The following CARMIL1 variants were observed in gnomAD, a reference collection of about 807,000 sequenced individuals.
CARMIL1 encodes F-actin-uncapping protein LRRC16A.
CARMIL1 carries 90 observed loss-of-function variants against 177.1 expected under a neutral mutation model. That is an observed-to-expected ratio of 0.51 (90% CI 0.43 to 0.61). CARMIL1 has a LOEUF of 0.61. Ranked by LOEUF, CARMIL1 falls within the 20% of genes least tolerant of loss-of-function variation. The probability of loss-of-function intolerance (pLI) is 0.00; values close to 1 mark genes in which losing one functional copy is unlikely to be tolerated. For missense variants in CARMIL1, 1,380 were observed against 1,667.0 expected, an observed-to-expected ratio of 0.83 and a Z score of 3.00; for synonymous variants, 577 against 606.2, an observed-to-expected ratio of 0.95 and a Z score of 0.71.
intron 24 of CARMIL1, among the ~76,000 whole-genome samples, chr6:25,531,032 A>G (rs1807717767): frequency 6.6e-6 from 1 of 152,232 alleles, no homozygotes; most frequent in Admixed American, 6.5e-5. Flanking sequence ...TTAGAAGTTT[A>G]AGAGGGAGAA....
intron 2 of CARMIL1, among the ~76,000 whole-genome samples, chr6:25,402,565 G>A (rs16890562): frequency 0.04 from 6,027 of 152,246 alleles, 441 homozygotes; most frequent in East Asian, 0.28. Context: ...AAAGTGTAAT[G>A]TCTGATTCAT....
intron 33 of CARMIL1, among the ~76,000 whole-genome samples, chr6:25,603,121 G>A (rs1305122059): frequency 6.6e-6 from 1 of 152,186 alleles, no homozygotes; most frequent in Non-Finnish European, 1.5e-5. Context: ...GGGGTGCCCC[G>A]GGTACAGAAT....
chr6:25,578,277 G>C (rs1234610631), intron 29 of CARMIL1, among the ~76,000 whole-genome samples: 1 of 152,166 alleles, frequency 6.6e-6, no homozygotes, highest in African/African-American at 2.4e-5. Context: ...TACAAAAAGA[G>C]AAGAGAGCTA....
At chr6:25,499,598 G>T (rs1469271993) in intron 16 of CARMIL1, among the ~76,000 whole-genome samples, 1 of 152,112 alleles carries the variant, frequency 6.6e-6, no homozygotes, top group Non-Finnish European at 1.5e-5. Context: ...AGTTGGACAG[G>T]CAGGATCCTG....
chr6:25,312,461 T>C (rs531057536), intron 2 of CARMIL1, among the ~76,000 whole-genome samples: 2 of 152,128 alleles, frequency 1.3e-5, no homozygotes, highest in African/African-American at 4.8e-5. Flanking sequence ...AAACATAAGC[T>C]TGTAAAAAGG....
At chr6:25,462,629 C>T (rs889071121) in intron 8 of CARMIL1, among the ~76,000 whole-genome samples, 19 of 152,188 alleles carry the variant, frequency 1.2e-4, no homozygotes, top group African/African-American at 4.3e-4. Context: ...TCTTAAAATA[C>T]TCTTTCTCCC....
At chr6:25,308,353 C>T (rs543278359) in intron 2 of CARMIL1, among the ~76,000 whole-genome samples, 14 of 150,788 alleles carry the variant, frequency 9.3e-5, no homozygotes, top group East Asian at 1.9e-4. Flanking sequence ...TGTGAGGTTC[C>T]GTGAGAAGGA....
intron 2 of CARMIL1, among the ~76,000 whole-genome samples, chr6:25,288,268 T>G (rs1238504450): frequency 1.3e-5 from 2 of 152,144 alleles, no homozygotes; most frequent in African/African-American, 4.8e-5. Context: ...AAGGTACAGC[T>G]GGGGTAAGGC....
chr6:25,390,070 T>C (rs1792595442), intron 2 of CARMIL1, among the ~76,000 whole-genome samples: 1 of 152,048 alleles, frequency 6.6e-6, no homozygotes, highest in African/African-American at 2.4e-5. Flanking sequence ...ACCATGAACT[T>C]CTTCCTGAAA....
intron 31 of CARMIL1, among the ~76,000 whole-genome samples, chr6:25,591,294 G>C (rs1268620199): frequency 2.0e-5 from 3 of 152,228 alleles, no homozygotes; most frequent in Admixed American, 2.0e-4. Flanking sequence ...ACGATCACCA[G>C]CTTATTTTCT....
chr6:25,470,117 A>G (rs1374147496), intron 9 of CARMIL1, among the ~76,000 whole-genome samples: 2 of 152,062 alleles, frequency 1.3e-5, no homozygotes, highest in African/African-American at 2.4e-5. Context: ...ATTACATGAG[A>G]CATGTTTATT....
chr6:25,295,813 A>G (rs980553125), intron 2 of CARMIL1, among the ~76,000 whole-genome samples: 3 of 152,184 alleles, frequency 2.0e-5, no homozygotes, highest in African/African-American at 7.2e-5. Flanking sequence ...GCTTCCAAGT[A>G]TCATTGTCTT....
At chr6:25,451,991 C>CTA in intron 8 of CARMIL1, 1 of 62,288 alleles carries the variant, frequency 1.6e-5, no homozygotes, top group South Asian at 3.3e-4. Context: ...ATCTTGCCCC[C>CTA]CCCTCCCCCC....
At chr6:25,438,650 A>G (rs1797445884) in intron 5 of CARMIL1, among the ~76,000 whole-genome samples, 1 of 152,182 alleles carries the variant, frequency 6.6e-6, no homozygotes, top group South Asian at 2.1e-4. Context: ...AAAGATATCC[A>G]CTTTGGCTGG....
In CARMIL1 at chr6:25,450,673, G is replaced by A; in HGVS notation, c.576G>A (p.Arg192=). The A allele has an allele frequency of 6.2e-7, 1 of 1,606,798 alleles. No individual in the cohort carries two copies. Among genetic ancestry groups the A allele is most frequent in the Non-Finnish European group, 8.5e-7 (1 of 1,175,786 alleles). ...VDTIYLTQDT[R]ELNLQDFSHL... is the part of the protein sequence containing the mutation. ...CAATTTATCTTACCCAAGACACCAG[G>A]GAATTGAATTTACAAGATTTTAGTC... Residue 192 remains arginine (R), a synonymous_variant, in exon 8 of 37, where the codon AGG becomes AGA. Transcript: ENST00000329474.
intron 3 of CARMIL1, among the ~76,000 whole-genome samples, chr6:25,421,818 A>G (rs1795882811): frequency 7.0e-6 from 1 of 143,156 alleles, no homozygotes; most frequent in African/African-American, 2.6e-5. Context: ...GGAATTGAAC[A>G]ATGAGAACAG....
At chr6:25,325,400 A>G (rs1305203981) in intron 2 of CARMIL1, among the ~76,000 whole-genome samples, 1 of 152,182 alleles carries the variant, frequency 6.6e-6, no homozygotes, top group Non-Finnish European at 1.5e-5. Flanking sequence ...AAAATACTGG[A>G]AAAGACAATT....
chr6:25,556,244 A>T (rs996670444), intron 28 of CARMIL1, among the ~76,000 whole-genome samples: 1 of 152,234 alleles, frequency 6.6e-6, no homozygotes, highest in Non-Finnish European at 1.5e-5. Context: ...TACCTAAAGT[A>T]TAACACTGGA....
At chr6:25,524,956 A>G (rs1165503815) in intron 23 of CARMIL1, among the ~76,000 whole-genome samples, 1 of 152,146 alleles carries the variant, frequency 6.6e-6, no homozygotes, top group East Asian at 1.9e-4. Context: ...AAAAGAAAAG[A>G]AAAGAACAGA....
Sources: gnomAD v4.1 joint callset for allele counts (sites outside exome capture counted in the v4.1 genomes callset) on GRCh38, gnomAD v4.1.1 for gene constraint, MANE v1.5 for transcripts, NCBI Gene and HGNC (gene_info 2026-07-23, HGNC 2026-07-21) for gene names.